TCF4: variants seen among roughly 807,000 people sequenced by gnomAD.
TCF4 encodes the protein SL3-3 enhancer factor 2.
In TCF4, 3 loss-of-function variants were observed where a neutral mutation model predicts 82.1. The observed-to-expected ratio is 0.04, with a 90% CI of 0.02 to 0.09. The LOEUF (loss-of-function observed/expected upper bound fraction) is 0.09. Ranked by LOEUF, TCF4 falls within the 10% of genes least tolerant of loss-of-function variation. The pLI, the probability that TCF4 is intolerant of heterozygous loss-of-function variation, is 1.00. For missense variants in TCF4, 518 were observed against 852.7 expected (o/e 0.61, Z 4.89); for synonymous variants, 276 against 309.6 (o/e 0.89, Z 1.14).
intron 3 of TCF4, among the ~76,000 whole-genome samples, chr18:55,541,601 A>C (rs191767056): frequency 2.5e-4 from 38 of 152,134 alleles, no homozygotes; most frequent in African/African-American, 8.7e-4. Flanking sequence ...GAATGCAGTT[A>C]AATAATTTAC....
chr18:55,617,051 G>T (rs2097712850), intron 2 of TCF4, among the ~76,000 whole-genome samples: 1 of 151,968 alleles, frequency 6.6e-6, no homozygotes, highest in South Asian at 2.1e-4. Context: ...TTTCTTCTAG[G>T]CATTTTACAG....
At chr18:55,588,876 G>C (rs2097676709), upstream of TCF4, among the ~76,000 whole-genome samples, 1 of 151,696 alleles carries the variant, frequency 6.6e-6, no homozygotes, top group Admixed American at 6.6e-5. Flanking sequence ...GGTGGATGTT[G>C]TTTTGTTTTT....
chr18:55,428,943 T>C (rs1037072073), intron 5 of TCF4, among the ~76,000 whole-genome samples: 2 of 151,788 alleles, frequency 1.3e-5, no homozygotes, highest in Non-Finnish European at 2.9e-5. Context: ...AACATCTTAA[T>C]AGAGCAAAAC....
intron 3 of TCF4, among the ~76,000 whole-genome samples, chr18:55,500,841 A>G (rs1741204438): frequency 6.6e-6 from 1 of 152,216 alleles, no homozygotes; most frequent in East Asian, 1.9e-4. Context: ...ATTATATCAC[A>G]AAGAATGAGC....
At position 55,225,946 on chromosome 18, in the gene TCF4, A is replaced by G. The variant is rs943487983; in HGVS notation, c.*2089T>C. ...TGGTAACTATCTTATTTGTTCTTAC[A>G]TTTTCAGAAATGAACATAAAATTCT... On this transcript the variant is annotated 3_prime_UTR_variant, in exon 20 of 20. Coordinates refer to ENST00000354452, the MANE Select transcript of TCF4 (RefSeq NM_001083962.2). The G allele has an allele frequency of 6.6e-6, 1 of 152,556 alleles. No individual in the cohort carries two copies. The highest frequency in any genetic ancestry group is 2.4e-5 in the African/African-American group (1 of 41,444). 9.5% of individuals were successfully genotyped at this position (152,556 alleles called of 1,614,324 possible).
intron 6 of TCF4, among the ~76,000 whole-genome samples, chr18:55,354,490 A>C (rs1371848597): frequency 6.6e-6 from 1 of 152,152 alleles, no homozygotes; most frequent in Non-Finnish European, 1.5e-5. Flanking sequence ...AAGAAAGCAA[A>C]CCATGAATTA....
chr18:55,585,401 T>A lies in TCF4; in HGVS notation c.73-49A>T, dbSNP rs539636036. 1.4e-5 allele frequency: 21 copies of A among 1,519,106 alleles called. No individual in the cohort carries two copies. In the South Asian group the frequency reaches 2.4e-4, roughly 17 times the overall value. The allele number at this position is 1,519,106 out of a possible 1,614,324, so 94.1% of individuals were successfully genotyped here. A position where few individuals can be genotyped will look rare whatever the true frequency, so the allele number is the denominator to read the frequency against. On this transcript the variant is annotated intron_variant, in intron 2 of 19. Coordinates refer to ENST00000354452, the MANE Select transcript of TCF4 (RefSeq NM_001083962.2). ...CAGTTGAAAAGAAGACACTTGTGCC[T>A]TCAGAGCTCCTCAAAGATCTTTCAT...
At position 55,471,967 on chromosome 18, in the gene TCF4, A is replaced by G. The variant is rs550797871; in HGVS notation, c.146-7830T>C. Among the ~76,000 whole-genome samples, 13 of 152,304 alleles carry G rather than the reference A, an allele frequency of 8.5e-5. No homozygotes were observed. In the South Asian group the frequency reaches 2.7e-3, roughly 32 times the overall value. The stretch of plus-strand genomic sequence containing the variant: ...AAGTTAAAGGGTAGATATGCTGGTG[A>G]GAAAGTATAGTAGGAAAAAAGTGTT... On this transcript the variant is annotated intron_variant, in intron 3 of 19. Transcript: ENST00000354452.
At chr18:55,625,002 TAC>T (rs1382944292) in intron 2 of TCF4, among the ~76,000 whole-genome samples, 1 of 152,192 alleles carries the variant, frequency 6.6e-6, no homozygotes, top group Non-Finnish European at 1.5e-5. Flanking sequence ...TACAAAGTAC[TAC>T]AGATTGTTTC....
At chr18:55,570,925 A>G (rs1250618967) in intron 3 of TCF4, among the ~76,000 whole-genome samples, 1 of 151,472 alleles carries the variant, frequency 6.6e-6, no homozygotes, top group African/African-American at 2.4e-5. Flanking sequence ...AATGGGATAC[A>G]TTTTCTATTT....
At chr18:55,230,932 G>A (rs1229352053) in intron 17 of TCF4, 1 of 152,268 alleles carries the variant, frequency 6.6e-6, no homozygotes, top group Non-Finnish European at 1.5e-5. Context: ...GGGCAAGGAG[G>A]ATGACACCAC....
intron 1 of TCF4, chr18:55,635,589 G>C: frequency 7.6e-7 from 1 of 1,322,372 alleles, no homozygotes; most frequent in Admixed American, 2.9e-5. Flanking sequence ...ATGTCAGGGA[G>C]AGAGGTTAGA....
intron 11 of TCF4, chr18:55,266,427 T>G (rs943929825): frequency 2.0e-5 from 3 of 152,164 alleles, no homozygotes; most frequent in African/African-American, 7.2e-5. Context: ...TGACAGCTTC[T>G]TTCCTTAACT....
At chr18:55,229,177 T>A in intron 17 of TCF4, 101 bp from the exon 18 acceptor site, 2 of 1,378,104 alleles carry the variant, frequency 1.5e-6, no homozygotes, top group Middle Eastern at 1.8e-4. Context: ...AACTTTTCCA[T>A]CTTATGCCAT....
At chr18:55,625,484 G>A (rs939345251) in intron 2 of TCF4, among the ~76,000 whole-genome samples, 1 of 152,044 alleles carries the variant, frequency 6.6e-6, no homozygotes, top group Non-Finnish European at 1.5e-5. Flanking sequence ...TGGTCCACCC[G>A]CCTTGGCCTC....
intron 5 of TCF4, among the ~76,000 whole-genome samples, chr18:55,440,829 A>G (rs1310674354): frequency 6.6e-6 from 1 of 152,114 alleles, no homozygotes; most frequent in African/African-American, 2.4e-5. Context: ...GATAGCTGGA[A>G]ATTTCTTACT....
chr18:55,230,493 A>G (rs1051675706), intron 17 of TCF4: 2 of 152,234 alleles, frequency 1.3e-5, no homozygotes, highest in Non-Finnish European at 2.9e-5. Context: ...GTGAATAAAC[A>G]TGAGTGAGGA....
chr18:55,553,342 T>C (rs959700604), intron 3 of TCF4: 11 of 152,230 alleles, frequency 7.2e-5, no homozygotes, highest in African/African-American at 2.4e-4. Flanking sequence ...CAAGGGAACA[T>C]GGAATAAATG....
At chr18:55,249,865 A>G (rs1158643440) in intron 15 of TCF4, among the ~76,000 whole-genome samples, 1 of 152,190 alleles carries the variant, frequency 6.6e-6, no homozygotes, top group Non-Finnish European at 1.5e-5. Context: ...GTTCTTAGTC[A>G]GTTAAAAAAG....
Sources: allele counts gnomAD v4.1 joint callset (sites outside exome capture counted in the v4.1 genomes callset), GRCh38; gene constraint gnomAD v4.1.1; transcripts MANE v1.5; gene names NCBI Gene and HGNC (gene_info 2026-07-23, HGNC 2026-07-21).